RBFOX1: variants seen among roughly 807,000 people sequenced by gnomAD.
RBFOX1 encodes the protein RNA binding protein fox-1 homolog 1.
RBFOX1 carries 8 observed loss-of-function variants against 57.7 expected under a neutral mutation model. That is an observed-to-expected ratio of 0.14 (90% CI 0.08 to 0.25). The LOEUF is 0.25. Among genes scored for constraint, RBFOX1 ranks in the 10% least tolerant of loss-of-function variants. The pLI is 1.00. For synonymous variants in RBFOX1, 326 were observed against 222.4 expected (o/e 1.47, Z -4.15); for missense variants, 611 against 548.5 (o/e 1.11, Z -1.14).
chr16:7,386,079 A>C (rs1201457146), intron 4 of RBFOX1, among the ~76,000 whole-genome samples: 1 of 151,980 alleles, frequency 6.6e-6, no homozygotes, highest in African/African-American at 2.4e-5. Flanking sequence ...GTGAGCCACC[A>C]TGCCCAGCCA....
At chr16:6,221,226 A>G (rs938519988) in intron 1 of RBFOX1, among the ~76,000 whole-genome samples, 4 of 152,226 alleles carry the variant, frequency 2.6e-5, no homozygotes, top group Non-Finnish European at 1.5e-5. Context: ...CTAGCAATGC[A>G]TATAAATGCT....
chr16:6,808,922 A>G (rs11645855), intron 3 of RBFOX1, among the ~76,000 whole-genome samples: 7,873 of 152,274 alleles, frequency 0.052, 299 homozygotes, highest in Middle Eastern at 0.088. Context: ...AACGCAAACT[A>G]AATATGTCCT....
At chr16:7,314,633 T>G (rs1053280813) in intron 4 of RBFOX1, among the ~76,000 whole-genome samples, 2 of 152,160 alleles carry the variant, frequency 1.3e-5, no homozygotes, top group East Asian at 1.9e-4. Flanking sequence ...GTGTTTATGC[T>G]TTATGGTGTT....
intron 1 of RBFOX1, among the ~76,000 whole-genome samples, chr16:6,312,770 G>T (rs151217701): frequency 2.8e-5 from 4 of 143,402 alleles, no homozygotes; most frequent in Non-Finnish European, 6.0e-5. Context: ...GTCCCTCCCT[G>T]TTTCCCTACC....
At chr16:6,227,441 A>C (rs1261555738) in intron 1 of RBFOX1, among the ~76,000 whole-genome samples, 1 of 152,160 alleles carries the variant, frequency 6.6e-6, no homozygotes, top group African/African-American at 2.4e-5. Flanking sequence ...CTAGAGCAAA[A>C]ACAAACAACA....
chr16:7,415,886 T>G (rs1364618716), intron 4 of RBFOX1, among the ~76,000 whole-genome samples: 1 of 152,198 alleles, frequency 6.6e-6, no homozygotes, highest in African/African-American at 2.4e-5. Context: ...GTGCATTTGC[T>G]GTGATAACTT....
At chr16:5,305,879 A>C (rs1048451770) in intron 1 of RBFOX1, among the ~76,000 whole-genome samples, 1 of 152,076 alleles carries the variant, frequency 6.6e-6, no homozygotes, top group Non-Finnish European at 1.5e-5. Context: ...GAACATAGTG[A>C]GACCCCATCT....
At chr16:6,961,238 C>G (rs189629295) in intron 3 of RBFOX1, among the ~76,000 whole-genome samples, 2 of 152,076 alleles carry the variant, frequency 1.3e-5, no homozygotes, top group Non-Finnish European at 2.9e-5. Context: ...CCCTGAGCTG[C>G]TGATGGCCAT....
chr16:7,683,351 C>T (rs758794032), intron 14 of RBFOX1, among the ~76,000 whole-genome samples: 16 of 151,614 alleles, frequency 1.1e-4, no homozygotes, highest in Admixed American at 1.3e-4. Flanking sequence ...GACACACACA[C>T]GTTAAAAGAA....
chr16:6,649,011 T>C (rs2098555529), intron 2 of RBFOX1, among the ~76,000 whole-genome samples: 1 of 152,176 alleles, frequency 6.6e-6, no homozygotes, highest in African/African-American at 2.4e-5. Flanking sequence ...TTACAACATG[T>C]TGTGAACTGT....
At position 7,484,931 on chromosome 16, in the gene RBFOX1, A is replaced by C. The variant is rs765660345; in HGVS notation, c.28-33216A>C. Among the ~76,000 whole-genome samples, 25 of 152,188 alleles carry C rather than the reference A, an allele frequency of 1.6e-4. 1 individual carries two copies. Among genetic ancestry groups the C allele is most frequent in the Admixed American group, 3.3e-4 (5 of 15,278 alleles). On this transcript the variant is annotated intron_variant, in intron 4 of 15. Transcript: ENST00000550418. Reference sequence around the variant, plus strand: ...GAAAGTAAAGAAGACATTTGTCCCAACCCATATGCCCCAAGTTGTTCAAAA... The same window carrying C: ...GAAAGTAAAGAAGACATTTGTCCCACCCCATATGCCCCAAGTTGTTCAAAA...
exon 3 of RBFOX1, chr16:5,599,353 A>G (rs1053622456): frequency 4.9e-6 from 3 of 608,448 alleles, no homozygotes; most frequent in Non-Finnish European, 5.8e-6. Context: ...TAGTAAGGAC[A>G]GGAATGCTTA....
At chr16:5,543,968 G>C (rs1170795280) in intron 2 of RBFOX1, among the ~76,000 whole-genome samples, 1 of 152,162 alleles carries the variant, frequency 6.6e-6, no homozygotes. Flanking sequence ...GTCAAATCCA[G>C]AATTATGATT....
At chr16:7,323,387 G>A (rs1461205320) in intron 4 of RBFOX1, among the ~76,000 whole-genome samples, 1 of 152,190 alleles carries the variant, frequency 6.6e-6, no homozygotes, top group South Asian at 2.1e-4. Flanking sequence ...TCATGCCACT[G>A]CCTTCCAGCC....
intron 4 of RBFOX1, among the ~76,000 whole-genome samples, chr16:7,196,354 C>T (rs2086689554): frequency 6.6e-6 from 1 of 152,188 alleles, no homozygotes; most frequent in Admixed American, 6.5e-5. Context: ...TTCCTACCCA[C>T]CCTGCTTCAC....
At chr16:5,722,078 C>T (rs1015136203) in intron 3 of RBFOX1, among the ~76,000 whole-genome samples, 1 of 152,194 alleles carries the variant, frequency 6.6e-6, no homozygotes, top group African/African-American at 2.4e-5. Context: ...ACTCTGTTAG[C>T]CAAGAGCCTT....
intron 3 of RBFOX1, among the ~76,000 whole-genome samples, chr16:6,861,523 A>T (rs2059000955): frequency 7.0e-6 from 1 of 142,684 alleles, no homozygotes; most frequent in Non-Finnish European, 1.5e-5. Flanking sequence ...AATTGCTTCA[A>T]CTCTCAATGT....
At chr16:5,840,767 C>A (rs754667945) in intron 3 of RBFOX1, among the ~76,000 whole-genome samples, 24 of 152,266 alleles carry the variant, frequency 1.6e-4, no homozygotes, top group Admixed American at 3.3e-4. Context: ...TGTGATCCAC[C>A]TGGGGATGCA....
intron 1 of RBFOX1, among the ~76,000 whole-genome samples, chr16:6,184,640 A>G (rs1171453702): frequency 1.3e-5 from 2 of 151,762 alleles, no homozygotes; most frequent in Non-Finnish European, 1.5e-5. Context: ...GTTCACTGCA[A>G]CCTCCGCCTC....
Sources: allele counts gnomAD v4.1 joint callset (sites outside exome capture counted in the v4.1 genomes callset), GRCh38; gene constraint gnomAD v4.1.1; transcripts MANE v1.5; gene names NCBI Gene and HGNC (gene_info 2026-07-23, HGNC 2026-07-21).